LTBP1: variants seen among roughly 807,000 people sequenced by gnomAD.
LTBP1 encodes latent transforming growth factor beta binding protein 1.
A neutral mutation model predicts 207.6 loss-of-function variants in LTBP1; 129 were observed. The observed-to-expected ratio is 0.62, with a 90% CI of 0.54 to 0.72. The LOEUF (loss-of-function observed/expected upper bound fraction) is 0.72, where lower values mean the gene tolerates loss of function less well. Ranked by LOEUF, LTBP1 falls within the 30% of genes least tolerant of loss-of-function variation. The pLI, the probability that LTBP1 is intolerant of heterozygous loss-of-function variation, is 0.00. For synonymous variants in LTBP1, 963 were observed against 833.7 expected (o/e 1.16, Z -2.67); for missense variants, 2,281 against 2,217.2 (o/e 1.03, Z -0.58).
intron 2 of LTBP1, among the ~76,000 whole-genome samples, chr2:32,988,078 A>G (rs1427136628): frequency 1.3e-5 from 2 of 152,228 alleles, no homozygotes; most frequent in African/African-American, 4.8e-5. Flanking sequence ...AGACACCTAT[A>G]GTGTACCTGG....
intron 2 of LTBP1, among the ~76,000 whole-genome samples, chr2:32,986,916 T>C (rs1047696961): frequency 6.6e-6 from 1 of 152,146 alleles, no homozygotes; most frequent in Admixed American, 6.5e-5. Flanking sequence ...TTGGCCAAGA[T>C]TGGGTCATGT....
chr2:32,947,334 G>C lies in LTBP1; in HGVS notation c.10G>C (p.Ala4Pro), dbSNP rs1676323109. 8.0e-7 allele frequency: 1 copy of C among 1,244,022 alleles called. No individual in the cohort carries two copies. Among genetic ancestry groups the C allele is most frequent in the Non-Finnish European group, 1.0e-6 (1 of 994,274 alleles). The allele number at this position is 1,244,022 out of a possible 1,614,324, so 77.1% of individuals were successfully genotyped here. A position where few individuals can be genotyped will look rare whatever the true frequency, so the allele number is the denominator to read the frequency against. The change falls in exon 1 of 34, where the codon GCC becomes CCC. Residue 4 changes from alanine (A) to proline (P), a missense_variant. Physicochemically the swap from Ala to Pro is conservative, Grantham distance 27. Around this residue, in one of 3 missense-constraint regions of LTBP1, gnomAD observed 555 missense variants for 491.0 expected, o/e 1.13. Transcript: ENST00000404816. ...CCCGCTGGGGCCCGCGATGGCGGGGGCCTGGCTCAGGTGGGGGCTCCTGCT... is the reference window on the plus strand; with the variant it reads ...CCCGCTGGGGCCCGCGATGGCGGGGCCCTGGCTCAGGTGGGGGCTCCTGCT... MAG[A>P]WLRWGLLLWA...
chr2:33,265,679 A>G (rs1170309939), intron 15 of LTBP1, among the ~76,000 whole-genome samples: 1 of 152,116 alleles, frequency 6.6e-6, no homozygotes, highest in South Asian at 2.1e-4. Flanking sequence ...AAAATACACT[A>G]GATATTAGCA....
At chr2:33,065,197 C>T (rs2077447519) in intron 3 of LTBP1, among the ~76,000 whole-genome samples, 1 of 152,112 alleles carries the variant, frequency 6.6e-6, no homozygotes, top group African/African-American at 2.4e-5. Context: ...TTCCTTTATT[C>T]TGTCAGTATG....
chr2:33,393,126 G>C (rs1384555554), intron 32 of LTBP1, among the ~76,000 whole-genome samples: 1 of 151,512 alleles, frequency 6.6e-6, no homozygotes, highest in Non-Finnish European at 1.5e-5. Context: ...GGGGTTAGTG[G>C]TACAGATTAT....
chr2:32,999,316 G>A (rs1014428736), intron 2 of LTBP1, among the ~76,000 whole-genome samples: 1 of 152,164 alleles, frequency 6.6e-6, no homozygotes, highest in African/African-American at 2.4e-5. Context: ...ATTTTAACCC[G>A]AGATGCCTTA....
At position 33,194,960 on chromosome 2, in the gene LTBP1, C is replaced by G. The variant is rs80056028; in HGVS notation, c.1701+6109C>G. 8.8e-3 allele frequency among the ~76,000 whole-genome samples: 1,337 copies of G among 152,246 alleles called. 21 individuals are homozygous for G. The highest frequency in any genetic ancestry group is 0.037 in the Middle Eastern group (11 of 294). ...CTATGTTAAATGTACTCTGCCTGTGCTATATAAAGAGAATAGCAAAGCCCG... is the reference window on the plus strand; with the variant it reads ...CTATGTTAAATGTACTCTGCCTGTGGTATATAAAGAGAATAGCAAAGCCCG... On this transcript the variant is annotated intron_variant, in intron 7 of 33. Coordinates refer to ENST00000404816, the MANE Select transcript of LTBP1 (RefSeq NM_206943.4).
chr2:32,963,900 A>G (rs1558445289), intron 2 of LTBP1, among the ~76,000 whole-genome samples: 1 of 152,250 alleles, frequency 6.6e-6, no homozygotes, highest in Non-Finnish European at 1.5e-5. Context: ...GGAATACAAG[A>G]TATCAAAAGC....
chr2:33,126,562 G>T (rs930069606), intron 4 of LTBP1, among the ~76,000 whole-genome samples: 1 of 152,226 alleles, frequency 6.6e-6, no homozygotes, highest in Non-Finnish European at 1.5e-5. Flanking sequence ...AACCTAAAAA[G>T]AATTAGCTGA....
intron 31 of LTBP1, among the ~76,000 whole-genome samples, chr2:33,388,535 T>C (rs2095287352): frequency 6.6e-6 from 1 of 152,208 alleles, no homozygotes; most frequent in Non-Finnish European, 1.5e-5. Flanking sequence ...TCGATGTGTA[T>C]TAAGTGCTTA....
intron 9 of LTBP1, among the ~76,000 whole-genome samples, chr2:33,229,771 C>T (rs903278338): frequency 6.6e-6 from 1 of 152,264 alleles, no homozygotes; most frequent in Middle Eastern, 3.4e-3. Flanking sequence ...CTGCCTTAGT[C>T]AATTCGCTGA....
In LTBP1 at chr2:33,008,960, C is replaced by T. The variant is rs73924118; in HGVS notation, c.566-11949C>T. On this transcript the variant is annotated intron_variant, in intron 2 of 33. Transcript: ENST00000404816. ...GGACCAGCAAGCAAGCCAGGGTGACCGGAGTGTGGCACTCAAGGGAGTGCA... is the reference window on the plus strand; with the variant it reads ...GGACCAGCAAGCAAGCCAGGGTGACTGGAGTGTGGCACTCAAGGGAGTGCA... 8.0e-3 allele frequency among the ~76,000 whole-genome samples: 1,212 copies of T among 152,228 alleles called. 9 individuals carry two copies. Among genetic ancestry groups the T allele is most frequent in the African/African-American group, 0.026 (1,077 of 41,528 alleles).
chr2:33,168,312 G>GT (rs2085105663), intron 5 of LTBP1, among the ~76,000 whole-genome samples: 1 of 150,086 alleles, frequency 6.7e-6, no homozygotes, highest in Admixed American at 6.7e-5. Context: ...GAACCCAGGA[G>GT]TTTGAGGCTG....
At chr2:33,139,022 C>G (rs1449440795) in intron 5 of LTBP1, among the ~76,000 whole-genome samples, 2 of 151,090 alleles carry the variant, frequency 1.3e-5, no homozygotes, top group South Asian at 4.2e-4. Flanking sequence ...CCACGCCCGG[C>G]TAATTTTTTG....
At chr2:33,286,193 G>A (rs2093662015) in intron 19 of LTBP1, among the ~76,000 whole-genome samples, 2 of 152,124 alleles carry the variant, frequency 1.3e-5, no homozygotes, top group South Asian at 4.1e-4. Flanking sequence ...TTTAACCCCT[G>A]ATTAAGTTGA....
intron 2 of LTBP1, among the ~76,000 whole-genome samples, chr2:32,974,973 A>G (rs150430989): frequency 3.9e-5 from 6 of 152,188 alleles, no homozygotes; most frequent in East Asian, 1.9e-4. Flanking sequence ...TATAGTGTCA[A>G]TAGTCTGTGT....
At chr2:33,355,738 A>G (rs1158592890) in intron 26 of LTBP1, among the ~76,000 whole-genome samples, 20 of 151,450 alleles carry the variant, frequency 1.3e-4, no homozygotes, top group East Asian at 3.9e-4. Flanking sequence ...ATTTTCTCCA[A>G]TCTCTTGTAA....
chr2:33,144,918 A>AG (rs1414230907), intron 5 of LTBP1, among the ~76,000 whole-genome samples: 3 of 152,180 alleles, frequency 2.0e-5, no homozygotes, highest in Non-Finnish European at 4.4e-5. Flanking sequence ...TGATGTGAAA[A>AG]TGTTTTTGAG....
chr2:32,964,139 T>TG (rs1679576312), intron 2 of LTBP1, among the ~76,000 whole-genome samples: 1 of 152,166 alleles, frequency 6.6e-6, no homozygotes, highest in Non-Finnish European at 1.5e-5. Flanking sequence ...AGTTGTTCCT[T>TG]GGGGTCATGC....
Sources: allele counts gnomAD v4.1 joint callset (sites outside exome capture counted in the v4.1 genomes callset), GRCh38; gene constraint gnomAD v4.1.1; regional missense constraint gnomAD v4.1.1; transcripts MANE v1.5; gene names NCBI Gene and HGNC (gene_info 2026-07-23, HGNC 2026-07-21).